ERBB2: variants seen among roughly 807,000 people sequenced by gnomAD.
ERBB2 encodes erb-b2 receptor tyrosine kinase 2, also known as receptor tyrosine-protein kinase erbB-2.
In ERBB2, 61 loss-of-function variants were observed where a neutral mutation model predicts 149.0. The ratio of observed to expected loss-of-function variants is 0.41; its 90% CI spans 0.33 to 0.51. The LOEUF is 0.51. Among genes scored for constraint, ERBB2 ranks in the 20% least tolerant of loss-of-function variants. The pLI, the probability that ERBB2 is intolerant of heterozygous loss-of-function variation, is 0.25. For synonymous variants in ERBB2, 633 were observed against 678.8 expected (o/e 0.93, Z 1.05); for missense variants, 1,205 against 1,655.1 (o/e 0.73, Z 4.72).
In ERBB2 at chr17:39,725,150, G is replaced by A. The variant is rs2145866070; in HGVS notation, c.2595G>A (p.Gly865=). 1 of 1,614,124 alleles carries A rather than the reference G, an allele frequency of 6.2e-7. No individual in the cohort carries two copies. Among genetic ancestry groups the A allele is most frequent in the South Asian group, 1.1e-5 (1 of 91,082 alleles). The change falls in exon 21 of 27, where the codon GGG becomes GGA. Residue 865 remains glycine, a synonymous_variant. Transcript: ENST00000269571. This position sits in a 1 kb window ranked among gnomAD's most constrained non-coding sequence, Gnocchi z 4.6. ...SPNHVKITDF[G]LARLLDIDET... is the part of the protein sequence containing the mutation. The stretch of plus-strand genomic sequence containing the variant: ...ACCATGTCAAAATTACAGACTTCGG[G>A]CTGGCTCGGCTGCTGGACATTGACG...
At position 39,706,691 on chromosome 17, in the gene ERBB2, G is replaced by A. The variant is rs557726869; in HGVS notation, c.74-299G>A. ...GGACAAAGGAAGCCTTTCTTTGCCA[G>A]CCAACACCCTGTACTGGCGGGCGAG... On this transcript the variant is annotated intron_variant, in intron 1 of 26. Coordinates refer to ENST00000269571, the MANE Select transcript of ERBB2 (RefSeq NM_004448.4). 10 of 290,160 alleles carry A rather than the reference G, an allele frequency of 3.4e-5. No individual in the cohort carries two copies. The South Asian group carries it at 1.5e-3, about 43-fold the overall frequency. The allele number at this position is 290,160 out of a possible 1,614,324, so 18.0% of individuals were successfully genotyped here.
intron 2 of ERBB2, chr17:39,707,609 T>C (rs1169017812): frequency 6.5e-6 from 1 of 154,546 alleles, no homozygotes; most frequent in Admixed American, 6.5e-5. Context: ...AAGAGAAATG[T>C]CTGTGAAAAG....
Position 39,723,430 on chromosome 17 carries a change from G to A in ERBB2, c.2058G>A (p.Thr686=), listed in dbSNP as rs2059557281. The A allele has an allele frequency of 3.1e-6, 5 of 1,614,172 alleles. No individual in the cohort carries two copies. The highest frequency in any genetic ancestry group is 4.2e-6 in the Non-Finnish European group (5 of 1,180,026). The change falls in exon 17 of 27, where the codon ACG becomes ACA. Residue 686 remains threonine (T), a synonymous_variant. Transcript: ENST00000269571. The surrounding 1 kb of genome is among the most constrained non-coding windows in gnomAD (Gnocchi z 6.2). ...KRRQQKIRKY[T]MRRLLQETEL... is the part of the protein sequence containing the mutation. ...GGCAGCAGAAGATCCGGAAGTACAC[G>A]ATGCGGAGACTGCTGCAGGAAACGG...
chr17:39,695,181 G>A (rs1352236241), upstream of ERBB2: 1 of 152,454 alleles, frequency 6.6e-6, no homozygotes, highest in Non-Finnish European at 1.5e-5. Context: ...ACAAAAGTGA[G>A]GTGAGTCGCA....
At chr17:39,708,614 T>C in intron 3 of ERBB2, 80 bp downstream of exon 3, 1 of 1,134,262 alleles carries the variant, frequency 8.8e-7, no homozygotes, top group South Asian at 1.3e-5. Context: ...GGAGGCTTTG[T>C]GTGCATTAGA....
chr17:39,714,483 A>C lies in ERBB2; in HGVS notation c.1149-803A>C, dbSNP rs372053351. On this transcript the variant is annotated intron_variant, in intron 9 of 26. Transcript: ENST00000269571. ...TGGGGGCAAGAACAGTCCCAACTTCATAAGATGGTTATACCACCATGCCTG... is the reference window on the plus strand; with the variant it reads ...TGGGGGCAAGAACAGTCCCAACTTCCTAAGATGGTTATACCACCATGCCTG... 4.6e-5 allele frequency among the ~76,000 whole-genome samples: 7 copies of C among 152,334 alleles called. No individual in the cohort carries two copies. The East Asian group carries it at 7.7e-4, about 17-fold the overall frequency.
Position 39,716,510 on chromosome 17 carries a change from C to G in ERBB2, c.1647-5C>G, listed in dbSNP as rs746406521. The G allele has an allele frequency of 4.3e-6, 7 of 1,614,142 alleles. No homozygotes were observed. The highest frequency in any genetic ancestry group is 5.9e-6 in the Non-Finnish European group (7 of 1,179,996). On this transcript the variant is annotated splice_polypyrimidine_tract_variant and splice_region_variant and intron_variant, in intron 13 of 26. Transcript: ENST00000269571. ...AGACCCCCTCACCACTGTCCCTTCT[C>G]TCAGGCTCCCCAGGGAGTATGTGAA... is the stretch of plus-strand genomic sequence containing the variant.
chr17:39,715,224 A>C lies in ERBB2; in HGVS notation c.1149-62A>C, dbSNP rs2059047515. Reference sequence around the variant, plus strand: ...ATGGTGGGGAGTGGCTGGCATGGCCAGTGCTGGGAGTGATGTCCACCCTGT... The same window carrying C: ...ATGGTGGGGAGTGGCTGGCATGGCCCGTGCTGGGAGTGATGTCCACCCTGT... On this transcript the variant is annotated intron_variant, in intron 9 of 26. Coordinates refer to ENST00000269571, the MANE Select transcript of ERBB2 (RefSeq NM_004448.4). 2.0e-5 allele frequency: 28 copies of C among 1,394,702 alleles called. No individual in the cohort carries two copies. In the South Asian group the frequency reaches 3.2e-4, roughly 16 times the overall value. 86.4% of individuals were successfully genotyped at this position (1,394,702 alleles called of 1,614,324 possible). A position where few individuals can be genotyped will look rare whatever the true frequency, so the allele number is the denominator to read the frequency against.
chr17:39,696,065 C>T (rs548621699), upstream of ERBB2, among the ~76,000 whole-genome samples: 1 of 152,186 alleles, frequency 6.6e-6, no homozygotes, highest in Admixed American at 6.5e-5. Context: ...CCCTGAGGGT[C>T]CCCCTCGCTG....
upstream of ERBB2, among the ~76,000 whole-genome samples, chr17:39,691,530 G>A (rs1305139387): frequency 2.4e-5 from 3 of 126,044 alleles, no homozygotes; most frequent in African/African-American, 6.8e-5. Flanking sequence ...GTGACAGAGC[G>A]AGACTCCATC....
At position 39,715,900 on chromosome 17, in the gene ERBB2, G is replaced by T; in HGVS notation, c.1474G>T (p.Ala492Ser). The change falls in exon 12 of 27, where the codon GCT (alanine) becomes TCT (serine). Residue 492 changes from alanine to serine, a missense_variant. This residue lies in a region of ERBB2 where 569 missense variants were observed against 803.5 expected (regional missense o/e 0.71). Transcript: ENST00000269571. The stretch of plus-strand genomic sequence containing the variant: ...CCAGCTCTTTCGGAACCCGCACCAA[G>T]CTCTGCTCCACACTGCCAACCGGCC... Reference protein sequence around the residue: ...WDQLFRNPHQALLHTANRPED... With the variant: ...WDQLFRNPHQSLLHTANRPED... 6.2e-7 allele frequency: 1 copy of T among 1,612,034 alleles called. No individual in the cohort carries two copies.
In ERBB2 at chr17:39,688,459, T is replaced by A. The variant is rs528784238; in HGVS notation, c.-382+181T>A. The stretch of plus-strand genomic sequence containing the variant: ...GCCTCTACTTTTGCCTCTTCCAACC[T>A]GCGCTCCATTTTGAAAAATTAAAAT... On this transcript the variant is annotated intron_variant, in intron 1 of 17. Coordinates refer to the ERBB2 transcript ENST00000578199. 2.0e-4 allele frequency among the ~76,000 whole-genome samples: 31 copies of A among 152,336 alleles called. No individual in the cohort carries two copies. The Middle Eastern group carries it at 0.01, about 50-fold the overall frequency.
chr17:39,710,244 G>T (rs1423364449), intron 6 of ERBB2, 43 bp downstream of exon 6: 11 of 1,607,930 alleles, frequency 6.8e-6, no homozygotes, highest in Non-Finnish European at 9.4e-6. Flanking sequence ...TACCCCCCAG[G>T]ATGCAAGGGG....
chr17:39,721,094 G>A (rs1238893654), intron 16 of ERBB2, among the ~76,000 whole-genome samples: 4 of 152,032 alleles, frequency 2.6e-5, no homozygotes, highest in Non-Finnish European at 4.4e-5. Context: ...CTATAGGAGC[G>A]TGCCACCACG....
In ERBB2 at chr17:39,707,357, A is replaced by G. The variant is rs986206898; in HGVS notation, c.225+216A>G. On this transcript the variant is annotated intron_variant, in intron 2 of 26. Transcript: ENST00000269571. Reference sequence around the variant, plus strand: ...CGTGGCTGGCCGAGGTCATGTCTGGATGGGATGCGTCTGTGTTTCCGCTAA... The same window carrying G: ...CGTGGCTGGCCGAGGTCATGTCTGGGTGGGATGCGTCTGTGTTTCCGCTAA... The G allele has an allele frequency of 5.1e-5, 22 of 432,352 alleles. 1 individual carries two copies. Among genetic ancestry groups the G allele is most frequent in the Non-Finnish European group, 8.5e-5 (21 of 245,936 alleles). 26.8% of individuals were successfully genotyped at this position (432,352 alleles called of 1,614,324 possible).
chr17:39,701,625 A>G (rs1472471898), intron 1 of ERBB2, among the ~76,000 whole-genome samples: 1 of 152,124 alleles, frequency 6.6e-6, no homozygotes, highest in Non-Finnish European at 1.5e-5. Context: ...TTATCTCTGC[A>G]GGTCTACGCC....
chr17:39,705,540 G>C (rs1427390838), intron 1 of ERBB2, among the ~76,000 whole-genome samples: 2 of 152,138 alleles, frequency 1.3e-5, no homozygotes, highest in Non-Finnish European at 2.9e-5. Context: ...GGACCCTTGA[G>C]TTCTATTTCT....
At position 39,723,249 on chromosome 17, in the gene ERBB2, C is replaced by G; in HGVS notation, c.1947-70C>G. 4.0e-6 allele frequency: 6 copies of G among 1,493,310 alleles called. No homozygotes were observed. Among genetic ancestry groups the G allele is most frequent in the Non-Finnish European group, 5.5e-6 (6 of 1,081,232 alleles). 92.5% of individuals were successfully genotyped at this position (1,493,310 alleles called of 1,614,324 possible). ...CCGAATGCCAAACACCTTCATGTCC[C>G]CCGTGGGCCCCCTTTGTCCCTCCCA... On this transcript the variant is annotated intron_variant, in intron 16 of 26. Transcript: ENST00000269571. The surrounding 1 kb of genome is among the most constrained non-coding windows in gnomAD (Gnocchi z 6.2).
Position 39,707,084 on chromosome 17 carries a change from G to T in ERBB2, c.168G>T (p.Val56=). The change falls in exon 2 of 27, where the codon GTG becomes GTT. Residue 56 remains valine (V), a synonymous_variant. Coordinates refer to ENST00000269571, the MANE Select transcript of ERBB2 (RefSeq NM_004448.4). ...ACCTCTACCAGGGCTGCCAGGTGGTGCAGGGAAACCTGGAACTCACCTACC... is the reference window on the plus strand; with the variant it reads ...ACCTCTACCAGGGCTGCCAGGTGGTTCAGGGAAACCTGGAACTCACCTACC... ...LRHLYQGCQV[V]QGNLELTYLP... is the part of the protein sequence containing the mutation. 3 of 1,606,176 alleles carry T rather than the reference G, an allele frequency of 1.9e-6. No individual in the cohort carries two copies. Among genetic ancestry groups the T allele is most frequent in the African/African-American group, 1.3e-5 (1 of 74,608 alleles).
Sources: allele counts gnomAD v4.1 joint callset (sites outside exome capture counted in the v4.1 genomes callset), GRCh38; gene constraint gnomAD v4.1.1; regional missense constraint gnomAD v4.1.1; non-coding constraint Gnocchi (gnomAD v3.1); transcripts MANE v1.5; gene names NCBI Gene and HGNC (gene_info 2026-07-23, HGNC 2026-07-21).